Variants in MRPL1 observed in about 807,000 individuals in gnomAD.
MRPL1 encodes the protein large ribosomal subunit protein uL1m.
MRPL1 carries 28 observed loss-of-function variants against 38.0 expected under a neutral mutation model. The observed-to-expected ratio is 0.74, with a 90% confidence interval of 0.55 to 1.01. The LOEUF is 1.01. Among genes scored for constraint, MRPL1 ranks in the 50% least tolerant of loss-of-function variants. The pLI is 0.00. For synonymous variants in MRPL1, 123 were observed against 126.7 expected (o/e 0.97, Z 0.20); for missense variants, 358 against 389.8 (o/e 0.92, Z 0.69).
At chr4:77,909,116 TG>T (rs1736227216) in intron 6 of MRPL1, 149 bp from the exon 7 acceptor site, 2 of 595,884 alleles carry the variant, frequency 3.4e-6, no homozygotes, top group African/African-American at 4.1e-5. Flanking sequence ...TCAATGAATG[TG>T]AACACCAGGA....
At chr4:77,919,198 A>G (rs1736506245) in intron 7 of MRPL1, among the ~76,000 whole-genome samples, 1 of 152,192 alleles carries the variant, frequency 6.6e-6, no homozygotes, top group Non-Finnish European at 1.5e-5. Context: ...ACATACCACA[A>G]ATCCATTTTA....
intron 7 of MRPL1, among the ~76,000 whole-genome samples, chr4:77,912,268 A>G (rs1736307551): frequency 6.6e-6 from 1 of 152,178 alleles, no homozygotes; most frequent in African/African-American, 2.4e-5. Flanking sequence ...AGAAACAGAA[A>G]TAAAAAGTCA....
chr4:77,899,014 GAC>G (rs959493031), intron 6 of MRPL1, among the ~76,000 whole-genome samples: 22 of 121,932 alleles, frequency 1.8e-4, no homozygotes, highest in Admixed American at 1.8e-4. Context: ...TTTTTTTTGA[GAC>G]AGAGTCTCGT....
At chr4:77,862,985 C>T in intron 1 of MRPL1, 106 bp downstream of exon 1, 3 of 1,405,660 alleles carry the variant, frequency 2.1e-6, no homozygotes, top group Non-Finnish European at 3.0e-6. Flanking sequence ...ATGCCTCGTG[C>T]TGTTTCTGGT....
intron 7 of MRPL1, among the ~76,000 whole-genome samples, chr4:77,928,000 A>G (rs2110257833): frequency 6.6e-6 from 1 of 152,324 alleles, no homozygotes; most frequent in South Asian, 2.1e-4. Flanking sequence ...TACTTAATAT[A>G]AAAGCAAAGC....
At chr4:77,934,736 A>G (rs895928142) in intron 7 of MRPL1, among the ~76,000 whole-genome samples, 9 of 152,218 alleles carry the variant, frequency 5.9e-5, no homozygotes, top group African/African-American at 2.2e-4. Flanking sequence ...TGGCATACCC[A>G]TGTTCACAGT....
chr4:77,874,772 A>G (rs917020996), intron 2 of MRPL1, among the ~76,000 whole-genome samples: 1 of 140,150 alleles, frequency 7.1e-6, no homozygotes, highest in African/African-American at 2.7e-5. Context: ...AGCCACTTAT[A>G]TTTTCTTTTC....
chr4:77,870,927 T>C (rs1735266384), intron 1 of MRPL1, among the ~76,000 whole-genome samples: 1 of 152,208 alleles, frequency 6.6e-6, no homozygotes, highest in Admixed American at 6.5e-5. Flanking sequence ...ACAGATCCAG[T>C]ACCCCACTTT....
chr4:77,890,878 G>T (rs1360556181), intron 5 of MRPL1, among the ~76,000 whole-genome samples: 5 of 152,138 alleles, frequency 3.3e-5, no homozygotes, highest in Non-Finnish European at 1.5e-5. Flanking sequence ...AGGAAATAGT[G>T]ATTTGAAAAT....
At chr4:77,940,170 A>G (rs900270058) in intron 7 of MRPL1, among the ~76,000 whole-genome samples, 1 of 152,110 alleles carries the variant, frequency 6.6e-6, no homozygotes, top group African/African-American at 2.4e-5. Context: ...CTTCCCATCC[A>G]TGAGCATGGG....
chr4:77,867,530 C>CTTTTCTTTTTCT (rs548304554), intron 1 of MRPL1, among the ~76,000 whole-genome samples: 7 of 150,084 alleles, frequency 4.7e-5, no homozygotes, highest in African/African-American at 1.7e-4. Context: ...TTGGATAATT[C>CTTTTCTTTTTCT]TTTTCTTTTT....
At chr4:77,926,888 C>T (rs1377873236) in intron 7 of MRPL1, among the ~76,000 whole-genome samples, 3 of 152,208 alleles carry the variant, frequency 2.0e-5, no homozygotes, top group African/African-American at 4.8e-5. Context: ...GGATTTCGGG[C>T]GTGAGCTGCC....
chr4:77,940,739 G>T (rs1737105230), intron 7 of MRPL1, among the ~76,000 whole-genome samples: 1 of 151,966 alleles, frequency 6.6e-6, no homozygotes. Context: ...TTTTGCTGAG[G>T]GTTTCAATCA....
chr4:77,887,331 T>G, intron 5 of MRPL1, 40 bp downstream of exon 5: 1 of 1,444,282 alleles, frequency 6.9e-7, no homozygotes, highest in Non-Finnish European at 9.8e-7. Context: ...ATAGAGATGA[T>G]TCTGTTATCT....
chr4:77,926,499 G>A (rs2110257054), intron 7 of MRPL1, among the ~76,000 whole-genome samples: 1 of 152,196 alleles, frequency 6.6e-6, no homozygotes, highest in Admixed American at 6.5e-5. Context: ...ATTCATGGTG[G>A]CTTTCCTCTC....
chr4:77,887,418 A>G, intron 5 of MRPL1, 127 bp downstream of exon 5: 1 of 791,164 alleles, frequency 1.3e-6, no homozygotes. Flanking sequence ...TCTTTATAAG[A>G]GCAGGAAAAA....
At chr4:77,882,029 A>G (rs1040878393) in intron 2 of MRPL1, among the ~76,000 whole-genome samples, 2 of 152,078 alleles carry the variant, frequency 1.3e-5, no homozygotes, top group Non-Finnish European at 2.9e-5. Flanking sequence ...CTTCTCTTTT[A>G]CCGTTTTAGT....
At chr4:77,931,037 C>T (rs73827460) in intron 7 of MRPL1, among the ~76,000 whole-genome samples, 22,462 of 152,100 alleles carry the variant, frequency 0.15, 1,897 homozygotes, top group South Asian at 0.25. Context: ...CTTAAATTAA[C>T]GGGTTTGTTG....
chr4:77,868,118 A>G (rs1421629594), intron 1 of MRPL1, among the ~76,000 whole-genome samples: 1 of 151,764 alleles, frequency 6.6e-6, no homozygotes, highest in African/African-American at 2.4e-5. Context: ...GCTGGAGTGC[A>G]GTGGCACGAT....
Sources: allele counts gnomAD v4.1 joint callset (sites outside exome capture counted in the v4.1 genomes callset), GRCh38; gene constraint gnomAD v4.1.1; transcripts MANE v1.5; gene names NCBI Gene and HGNC (gene_info 2026-07-23, HGNC 2026-07-21).